Variants in SDK1 observed in about 807,000 individuals in gnomAD.
SDK1 encodes the protein sidekick cell adhesion molecule 1.
Under a neutral mutation model 245.5 loss-of-function variants are expected in SDK1, and 157 were observed. The ratio of observed to expected loss-of-function variants is 0.64; its 90% CI spans 0.56 to 0.73. The LOEUF (loss-of-function observed/expected upper bound fraction) is 0.73, where lower values mean the gene tolerates loss of function less well. Ranked by LOEUF, SDK1 falls within the 30% of genes least tolerant of loss-of-function variation. The pLI is 0.00. For missense variants in SDK1, 3,583 were observed against 3,002.3 expected, an observed-to-expected ratio of 1.19 and a Z score of -4.52; for synonymous variants, 1,647 against 1,278.5, an observed-to-expected ratio of 1.29 and a Z score of -6.15.
chr7:3,479,197 G>A lies in SDK1; in HGVS notation c.299-139883G>A, dbSNP rs1432737841. ...AGCACTTTGGGAGGCTGAGGAGGGC[G>A]GATCACTTGAGGTCAGGAGTTCGAG... On this transcript the variant is annotated intron_variant, in intron 1 of 44. Coordinates refer to ENST00000404826, the MANE Select transcript of SDK1 (RefSeq NM_152744.4). 3.3e-5 allele frequency among the ~76,000 whole-genome samples: 5 copies of A among 152,096 alleles called. No individual in the cohort carries two copies. The East Asian group carries it at 5.8e-4, about 18-fold the overall frequency.
At chr7:3,652,284 C>T (rs1783035027) in intron 4 of SDK1, among the ~76,000 whole-genome samples, 1 of 152,132 alleles carries the variant, frequency 6.6e-6, no homozygotes, top group South Asian at 2.1e-4. Context: ...AATGGAAGTT[C>T]TCCAGTAGAG....
Position 3,987,283 on chromosome 7 carries a change from A to C in SDK1, c.2092A>C (p.Ser698Arg), listed in dbSNP as rs997021648. ...LSWVRPFDGN[S>R]PILYYIVELS... Reference sequence around the variant, plus strand: ...TTGGGTCCGGCCCTTTGATGGAAACAGTCCTATTCTTTATTACATCGTGGA... The same window carrying C: ...TTGGGTCCGGCCCTTTGATGGAAACCGTCCTATTCTTTATTACATCGTGGA... Residue 698 changes from serine to arginine, a missense_variant, in exon 14 of 45, where the codon AGT becomes CGT. Physicochemically the swap from Ser to Arg is moderately radical, Grantham distance 110. Coordinates refer to ENST00000404826, the MANE Select transcript of SDK1 (RefSeq NM_152744.4). The C allele has an allele frequency of 6.2e-7, 1 of 1,614,116 alleles. No individual in the cohort carries two copies. Among genetic ancestry groups the C allele is most frequent in the Non-Finnish European group, 8.5e-7 (1 of 1,179,980 alleles).
At chr7:3,495,000 A>T (rs1781981025) in intron 1 of SDK1, among the ~76,000 whole-genome samples, 1 of 152,162 alleles carries the variant, frequency 6.6e-6, no homozygotes, top group African/African-American at 2.4e-5. Flanking sequence ...CTCCTGTCAG[A>T]ACCATAAACC....
At chr7:3,552,036 T>TCTG in intron 1 of SDK1, among the ~76,000 whole-genome samples, 1 of 151,918 alleles carries the variant, frequency 6.6e-6, no homozygotes, top group South Asian at 2.1e-4. Context: ...TTACTCTTCT[T>TCTG]CTTCTTCTTC....
chr7:3,563,360 G>C (rs1414031664), intron 1 of SDK1, among the ~76,000 whole-genome samples: 1 of 152,060 alleles, frequency 6.6e-6, no homozygotes, highest in African/African-American at 2.4e-5. Flanking sequence ...CAAAAAATAG[G>C]TTATAAGAGA....
intron 1 of SDK1, among the ~76,000 whole-genome samples, chr7:3,567,815 A>G (rs1779976158): frequency 1.3e-5 from 2 of 151,660 alleles, no homozygotes; most frequent in African/African-American, 4.9e-5. Flanking sequence ...TCTTTTATTC[A>G]TTTATTTTTC....
chr7:4,115,293 T>G (rs563856566), intron 25 of SDK1, among the ~76,000 whole-genome samples: 2 of 152,274 alleles, frequency 1.3e-5, no homozygotes, highest in South Asian at 4.1e-4. Context: ...GGCTGTTCAT[T>G]CTGGACTAAC....
rs1289348458 is a variant in SDK1 at position 4,155,785 on chromosome 7, C to T, written c.4626-2663C>T. On this transcript the variant is annotated intron_variant, in intron 30 of 44. Coordinates refer to ENST00000404826, the MANE Select transcript of SDK1 (RefSeq NM_152744.4). ...TCCTTCCACCCATAGATCTGAGCAC[C>T]TCCTGGGTGTTCTTGGCTCTTGGGA... Among the ~76,000 whole-genome samples the T allele has an allele frequency of 2.0e-5, 3 of 152,238 alleles. No individual in the cohort carries two copies. In the East Asian group the frequency reaches 5.8e-4, roughly 29 times the overall value.
chr7:4,134,207 T>C (rs768160291), intron 28 of SDK1, among the ~76,000 whole-genome samples: 2 of 152,178 alleles, frequency 1.3e-5, no homozygotes, highest in Non-Finnish European at 2.9e-5. Context: ...CCTCTTTCTT[T>C]ATGTGATTTC....
chr7:3,743,494 C>T (rs1260718790), intron 4 of SDK1, among the ~76,000 whole-genome samples: 1 of 152,118 alleles, frequency 6.6e-6, no homozygotes, highest in South Asian at 2.1e-4. Context: ...GGGCAAGCAG[C>T]CCCTGAGAAA....
chr7:3,349,511 A>G (rs972963026), intron 1 of SDK1, among the ~76,000 whole-genome samples: 2 of 152,210 alleles, frequency 1.3e-5, no homozygotes, highest in African/African-American at 4.8e-5. Flanking sequence ...TGCGGGGACC[A>G]GCCCTGTGAG....
intron 44 of SDK1, among the ~76,000 whole-genome samples, chr7:4,264,331 C>T (rs1160683812): frequency 8.3e-5 from 12 of 144,508 alleles, no homozygotes; most frequent in African/African-American, 2.3e-4. Flanking sequence ...AGGGAGGCCG[C>T]GTAGATCTCT....
intron 1 of SDK1, among the ~76,000 whole-genome samples, chr7:3,360,000 C>T (rs1369816398): frequency 6.6e-6 from 1 of 152,162 alleles, no homozygotes; most frequent in Non-Finnish European, 1.5e-5. Context: ...CAAAATATTA[C>T]AACACTTTGT....
At chr7:3,499,403 G>C (rs1349731411) in intron 1 of SDK1, among the ~76,000 whole-genome samples, 6 of 152,098 alleles carry the variant, frequency 3.9e-5, no homozygotes, top group Admixed American at 1.3e-4. Context: ...ATAAAGAAAA[G>C]TATTAAAAAT....
At chr7:4,048,382 C>A (rs545225887) in intron 17 of SDK1, among the ~76,000 whole-genome samples, 1 of 152,236 alleles carries the variant, frequency 6.6e-6, no homozygotes, top group South Asian at 2.1e-4. Flanking sequence ...TCCGGAAGGC[C>A]TTCAGTTCCC....
At chr7:4,143,791 C>G (rs1015949083) in intron 28 of SDK1, among the ~76,000 whole-genome samples, 11 of 152,216 alleles carry the variant, frequency 7.2e-5, no homozygotes, top group Admixed American at 3.9e-4. Flanking sequence ...CCGACTCTCT[C>G]GTCACTTTCT....
At chr7:3,430,690 A>C (rs2128584152) in intron 1 of SDK1, among the ~76,000 whole-genome samples, 1 of 152,266 alleles carries the variant, frequency 6.6e-6, no homozygotes, top group South Asian at 2.1e-4. Flanking sequence ...GACTGACCCA[A>C]CTGGAGTTCG....
At chr7:3,548,921 G>A (rs941410074) in intron 1 of SDK1, among the ~76,000 whole-genome samples, 7 of 152,178 alleles carry the variant, frequency 4.6e-5, no homozygotes, top group African/African-American at 1.7e-4. Context: ...ATTAATCGGA[G>A]ACTTCTGTTA....
Position 4,012,080 on chromosome 7 carries a change from G to C in SDK1, c.2280-15G>C. On this transcript the variant is annotated splice_polypyrimidine_tract_variant and intron_variant, in intron 15 of 44. Transcript: ENST00000404826. ...GTACTCATCTCTCTTGTTCCTACCC[G>C]TCTTTTATTTATAGGTTGATGCTAC... 6.7e-7 allele frequency: 1 copy of C among 1,496,366 alleles called. No homozygotes were observed. Among genetic ancestry groups the C allele is most frequent in the African/African-American group, 1.4e-5 (1 of 69,536 alleles). The allele number at this position is 1,496,366 out of a possible 1,614,324, so 92.7% of individuals were successfully genotyped here.
Sources: allele counts gnomAD v4.1 joint callset (sites outside exome capture counted in the v4.1 genomes callset), GRCh38; gene constraint gnomAD v4.1.1; transcripts MANE v1.5; gene names NCBI Gene and HGNC (gene_info 2026-07-23, HGNC 2026-07-21).